RANBP2: variants seen among roughly 807,000 people sequenced by gnomAD.
RANBP2 encodes the protein RAN binding protein 2.
In RANBP2, 57 loss-of-function variants were observed where a neutral mutation model predicts 303.6. The observed-to-expected ratio is 0.19, with a 90% CI of 0.15 to 0.23. The LOEUF (loss-of-function observed/expected upper bound fraction) is 0.23, where lower values mean the gene tolerates loss of function less well. Ranked by LOEUF, RANBP2 falls within the 10% of genes least tolerant of loss-of-function variation. The pLI is 1.00. For synonymous variants in RANBP2, 1,167 were observed against 1,301.5 expected, an observed-to-expected ratio of 0.90 and a Z score of 2.23; for missense variants, 3,138 against 3,780.8, an observed-to-expected ratio of 0.83 and a Z score of 4.46.
chr2:108,902,533 C>T, the RANBP2 span, among the ~76,000 whole-genome samples: 2 of 152,164 alleles, frequency 1.3e-5, no homozygotes, highest in African/African-American at 2.4e-5. Flanking sequence ...CTAACTTATT[C>T]TATGAGGGTA....
At chr2:108,953,071 G>A in the RANBP2 span, among the ~76,000 whole-genome samples, 21 of 152,294 alleles carry the variant, frequency 1.4e-4, no homozygotes, top group South Asian at 2.1e-4. Context: ...CATGCAATGC[G>A]TAATAACCAC....
At chr2:108,727,850 G>A (rs1251506792) in intron 1 of RANBP2, among the ~76,000 whole-genome samples, 1 of 152,066 alleles carries the variant, frequency 6.6e-6, no homozygotes, top group Non-Finnish European at 1.5e-5. Context: ...TGATCCGCCC[G>A]CCTCGGTCTC....
At chr2:109,342,023 C>G in the RANBP2 span, among the ~76,000 whole-genome samples, 1 of 152,184 alleles carries the variant, frequency 6.6e-6, no homozygotes, top group Non-Finnish European at 1.5e-5. Context: ...GGGTCTCACC[C>G]GCCGGGGCCT....
chr2:109,366,852 C>A, the RANBP2 span, among the ~76,000 whole-genome samples: 1 of 152,162 alleles, frequency 6.6e-6, no homozygotes, highest in Non-Finnish European at 1.5e-5. Flanking sequence ...GACCTCGTCT[C>A]AAAAACAAAT....
At chr2:108,786,949 C>T, downstream of RANBP2, 4 of 1,430,004 alleles carry the variant, frequency 2.8e-6, no homozygotes, top group Non-Finnish European at 3.7e-6. Context: ...CGGGTGGGCT[C>T]CTGCTGCTGG....
At chr2:109,546,153 C>T in the RANBP2 span, 1 of 1,611,646 alleles carries the variant, frequency 6.2e-7, no homozygotes, top group Non-Finnish European at 8.5e-7. Context: ...GCAATTATTT[C>T]TTCTTCCAAA....
the RANBP2 span, among the ~76,000 whole-genome samples, chr2:109,406,186 T>C: frequency 1.3e-5 from 2 of 152,108 alleles, no homozygotes; most frequent in African/African-American, 4.8e-5. Flanking sequence ...TGGAGTATCA[T>C]TCACATGTCA....
the RANBP2 span, among the ~76,000 whole-genome samples, chr2:109,612,342 G>C: frequency 6.6e-6 from 1 of 152,164 alleles, no homozygotes; most frequent in Non-Finnish European, 1.5e-5. Context: ...TTATAAAAAG[G>C]CATTAAGGGA....
chr2:108,999,665 C>T, the RANBP2 span, among the ~76,000 whole-genome samples: 7 of 152,182 alleles, frequency 4.6e-5, no homozygotes, highest in Admixed American at 2.0e-4. Context: ...GTACACTTTT[C>T]GGTTTCCACA....
the RANBP2 span, among the ~76,000 whole-genome samples, chr2:109,076,723 A>G: frequency 2.7e-5 from 4 of 150,654 alleles, 1 homozygote; most frequent in South Asian, 6.3e-4. Flanking sequence ...ATTATAAAAC[A>G]CTAATGAAAA....
chr2:108,796,674 A>G, the RANBP2 span, among the ~76,000 whole-genome samples: 288 of 152,324 alleles, frequency 1.9e-3, 2 homozygotes, highest in African/African-American at 6.7e-3. Flanking sequence ...TGACAGCAGC[A>G]TAGATAGAAT....
the RANBP2 span, among the ~76,000 whole-genome samples, chr2:108,891,526 C>T: frequency 6.6e-6 from 1 of 152,106 alleles, no homozygotes; most frequent in Admixed American, 6.5e-5. Context: ...ATTGGGATGC[C>T]AAATGGGCCA....
chr2:109,114,721 T>A, the RANBP2 span, among the ~76,000 whole-genome samples: 23 of 152,090 alleles, frequency 1.5e-4, no homozygotes, highest in South Asian at 4.6e-3. Flanking sequence ...TTAATTGTGA[T>A]GTTAGGGTGT....
Position 108,735,780 on chromosome 2 carries a change from G to A in RANBP2, c.636+18G>A, listed in dbSNP as rs2919941. 8 of 1,597,514 alleles carry A rather than the reference G, an allele frequency of 5.0e-6. 1 individual carries two copies. Among genetic ancestry groups the A allele is most frequent in the Admixed American group, 3.3e-5 (2 of 60,008 alleles). The stretch of plus-strand genomic sequence containing the variant: ...CCCTTAAGGTAGATAAAAGCTATTG[G>A]GTCTTTACATTTCTATGTAGGCAAT... On this transcript the variant is annotated intron_variant, in intron 5 of 28. Transcript: ENST00000283195.
At position 108,746,520 on chromosome 2, in the gene RANBP2, T is replaced by C. The variant is rs1307559332; in HGVS notation, c.976-191T>C. 2.7e-5 allele frequency among the ~76,000 whole-genome samples: 4 copies of C among 147,464 alleles called. No homozygotes were observed. The South Asian group carries it at 8.7e-4, about 32-fold the overall frequency. ...TTACAGGTGTGAGCCACCACGCCTG[T>C]ACCTGGCCTATCTTTCATAGGTTAT... On this transcript the variant is annotated intron_variant, in intron 7 of 28. Transcript: ENST00000283195.
chr2:108,886,582 T>G, the RANBP2 span, among the ~76,000 whole-genome samples: 3 of 151,716 alleles, frequency 2.0e-5, no homozygotes, highest in African/African-American at 4.8e-5. Context: ...GCCCGGCTAA[T>G]TTTTGTATTT....
intron 8 of RANBP2, among the ~76,000 whole-genome samples, chr2:108,748,270 T>G (rs1675536808): frequency 6.6e-6 from 1 of 151,346 alleles, no homozygotes; most frequent in South Asian, 2.1e-4. Context: ...TGCAGTGGCG[T>G]GATCTCGGCT....
chr2:109,511,226 G>A, the RANBP2 span, among the ~76,000 whole-genome samples: 3 of 152,174 alleles, frequency 2.0e-5, no homozygotes, highest in Non-Finnish European at 2.9e-5. Flanking sequence ...CAGGGCCATT[G>A]ACACTTGTCC....
At chr2:108,851,561 CAA>C in the RANBP2 span, among the ~76,000 whole-genome samples, 1 of 152,118 alleles carries the variant, frequency 6.6e-6, no homozygotes, top group African/African-American at 2.4e-5. Flanking sequence ...CTCAGCCTCC[CAA>C]AAGTGCTGAT....
Sources: gnomAD v4.1 joint callset for allele counts (sites outside exome capture counted in the v4.1 genomes callset) on GRCh38, gnomAD v4.1.1 for gene constraint, MANE v1.5 for transcripts, NCBI Gene and HGNC (gene_info 2026-07-23, HGNC 2026-07-21) for gene names.